The following AEBP2 variants were observed in gnomAD, a reference collection of about 807,000 sequenced individuals.
AEBP2 encodes the protein zinc finger protein AEBP2.
A neutral mutation model predicts 50.8 loss-of-function variants in AEBP2; 10 were observed. That is an observed-to-expected ratio of 0.20 (90% confidence interval 0.12 to 0.33). The LOEUF is 0.33. Among genes scored for constraint, AEBP2 ranks in the 10% least tolerant of loss-of-function variants. The probability of loss-of-function intolerance (pLI) is 1.00; values close to 1 mark genes in which losing one functional copy is unlikely to be tolerated. For missense variants in AEBP2, 570 were observed against 688.0 expected (o/e 0.83, Z 1.92); for synonymous variants, 296 against 261.3 (o/e 1.13, Z -1.28).
chr12:19,475,809 G>A (rs1327472839), intron 3 of AEBP2, among the ~76,000 whole-genome samples: 2 of 151,936 alleles, frequency 1.3e-5, no homozygotes, highest in African/African-American at 2.4e-5. Context: ...GTGGTATTGT[G>A]TTGTATATCT....
intron 1 of AEBP2, among the ~76,000 whole-genome samples, chr12:19,409,471 G>A (rs546758659): frequency 9.2e-5 from 14 of 152,202 alleles, no homozygotes; most frequent in African/African-American, 3.4e-4. Context: ...TTAACTCACT[G>A]GAAAATGGCT....
chr12:19,485,982 G>A (rs1299623397), intron 3 of AEBP2, among the ~76,000 whole-genome samples: 7 of 142,222 alleles, frequency 4.9e-5, no homozygotes, highest in Non-Finnish European at 1.1e-4. Context: ...TTTGTTTGAA[G>A]GTCTGATATA....
At chr12:19,436,786 G>A (rs11044558), upstream of AEBP2, among the ~76,000 whole-genome samples, 3,412 of 152,066 alleles carry the variant, frequency 0.022, 46 homozygotes, top group East Asian at 0.044. Flanking sequence ...GTTTTGTAGC[G>A]ATGGAGTTTC....
intron 2 of AEBP2, among the ~76,000 whole-genome samples, chr12:19,471,144 T>C (rs1743238035): frequency 6.6e-6 from 1 of 152,176 alleles, no homozygotes; most frequent in Non-Finnish European, 1.5e-5. Context: ...AGAGATGATC[T>C]GTCTCTTACT....
chr12:19,467,578 G>A (rs765444291), intron 2 of AEBP2, among the ~76,000 whole-genome samples: 2 of 152,328 alleles, frequency 1.3e-5, no homozygotes, highest in Middle Eastern at 6.8e-3. Context: ...ACAGGCCTGA[G>A]CCACCGTGCC....
intron 2 of AEBP2, among the ~76,000 whole-genome samples, chr12:19,469,414 C>T (rs764212122): frequency 4.6e-5 from 7 of 152,224 alleles, no homozygotes; most frequent in Non-Finnish European, 7.4e-5. Flanking sequence ...GGACTTACCA[C>T]GTGTGCTCAG....
At position 19,439,541 on chromosome 12, in the gene AEBP2, C is replaced by G. The variant is rs1035105323; in HGVS notation, c.-159C>G. On this transcript the variant is annotated 5_prime_UTR_variant, in exon 1 of 8. Coordinates refer to ENST00000266508, the MANE Select transcript of AEBP2 (RefSeq NM_153207.5). The stretch of plus-strand genomic sequence containing the variant: ...CGCGCGCCTGTCCCCGCGCGGGCTC[C>G]GTAGCGCGTGTGCAGGCTGACGCAG... The G allele has an allele frequency of 6.2e-6, 6 of 969,382 alleles. No individual in the cohort carries two copies. The highest frequency in any genetic ancestry group is 8.7e-6 in the Non-Finnish European group (6 of 692,924). 60.0% of individuals were successfully genotyped at this position (969,382 alleles called of 1,614,324 possible). A position where few individuals can be genotyped will look rare whatever the true frequency, so the allele number is the denominator to read the frequency against.
chr12:19,430,408 G>A (rs958018336), intron 1 of AEBP2, among the ~76,000 whole-genome samples: 35 of 152,114 alleles, frequency 2.3e-4, no homozygotes, highest in African/African-American at 7.0e-4. Context: ...GTCAGGTAGT[G>A]TGATGCCTCC....
chr12:19,457,162 G>T, intron 1 of AEBP2: 1 of 1,597,732 alleles, frequency 6.3e-7, no homozygotes, highest in South Asian at 1.1e-5. Context: ...GGGTGGCTCA[G>T]TGGAATCCAT....
chr12:19,445,675 G>C (rs969354746), intron 1 of AEBP2, among the ~76,000 whole-genome samples: 1 of 152,212 alleles, frequency 6.6e-6, no homozygotes, highest in African/African-American at 2.4e-5. Context: ...CAAAAGTACT[G>C]TATCAATCAG....
At position 19,519,863 on chromosome 12, in the gene AEBP2, A is replaced by G. The variant is rs1949373771; in HGVS notation, c.*1746A>G. Reference sequence around the variant, plus strand: ...TATAAAATTAAGTGAAGTGCAAATAAAAGCACTGCTACTATAAGACATTCT... The same window carrying G: ...TATAAAATTAAGTGAAGTGCAAATAGAAGCACTGCTACTATAAGACATTCT... On this transcript the variant is annotated 3_prime_UTR_variant, in exon 8 of 8. Coordinates refer to ENST00000266508, the MANE Select transcript of AEBP2 (RefSeq NM_153207.5). The G allele has an allele frequency of 6.6e-6, 1 of 152,418 alleles. No homozygotes were observed. Among genetic ancestry groups the G allele is most frequent in the Non-Finnish European group, 1.5e-5 (1 of 67,974 alleles). 9.4% of individuals were successfully genotyped at this position (152,418 alleles called of 1,614,324 possible).
At chr12:19,514,924 TGGATG>T in intron 7 of AEBP2, 140 bp downstream of exon 7, 4 of 640,998 alleles carry the variant, frequency 6.2e-6, no homozygotes, top group Non-Finnish European at 1.1e-5. Flanking sequence ...TTTTTTTTTT[TGGATG>T]TGGACTCACA....
Position 19,493,889 on chromosome 12 carries a change from A to C in AEBP2, c.1077A>C (p.Ser359=). ...CACACTTCAGTCAGCAGAACTCCTC[A>C]AAAGTTTCTAGCCAGCCAAAGGCCA... The part of the protein sequence containing the change: ...VPTHFSQQNS[S]KVSSQPKAKE... Residue 359 remains serine (S), a synonymous_variant, in exon 4 of 8, where the codon TCA becomes TCC. Transcript: ENST00000266508. 6.2e-7 allele frequency: 1 copy of C among 1,613,900 alleles called. No individual in the cohort carries two copies.
chr12:19,438,344 T>A (rs982344452), upstream of AEBP2, among the ~76,000 whole-genome samples: 2 of 152,232 alleles, frequency 1.3e-5, no homozygotes, highest in Non-Finnish European at 2.9e-5. Context: ...CAAAGAATTG[T>A]GTGGCATTAC....
At chr12:19,472,525 T>C (rs1291845907) in intron 2 of AEBP2, among the ~76,000 whole-genome samples, 2 of 152,324 alleles carry the variant, frequency 1.3e-5, no homozygotes, top group Middle Eastern at 6.8e-3. Context: ...GGATCTGTTA[T>C]GAAAGTAGGG....
chr12:19,469,218 A>C (rs776410556), intron 2 of AEBP2, among the ~76,000 whole-genome samples: 1 of 152,124 alleles, frequency 6.6e-6, no homozygotes, highest in Non-Finnish European at 1.5e-5. Context: ...GAGCCACTGC[A>C]CCTGGCCCAA....
intron 1 of AEBP2, 153 bp downstream of exon 1, chr12:19,440,523 G>C: frequency 7.3e-7 from 1 of 1,368,652 alleles, no homozygotes. Flanking sequence ...TCTCGCCGTC[G>C]CCGCCGCGCC....
chr12:19,521,973 A>G lies in AEBP2; in HGVS notation c.*3856A>G, dbSNP rs1820804686. ...ACTTAAATTCTTAGTTTATATGAAA[A>G]CTGATATGTATGTCTGTGTAACAAA... On this transcript the variant is annotated 3_prime_UTR_variant, in exon 8 of 8. Coordinates refer to ENST00000266508, the MANE Select transcript of AEBP2 (RefSeq NM_153207.5). 6.6e-6 allele frequency: 1 copy of G among 152,134 alleles called. No individual in the cohort carries two copies. Among genetic ancestry groups the G allele is most frequent in the African/African-American group, 2.4e-5 (1 of 41,440 alleles). The allele number at this position is 152,134 out of a possible 1,614,324, so 9.4% of individuals were successfully genotyped here. A position where few individuals can be genotyped will look rare whatever the true frequency, so the allele number is the denominator to read the frequency against.
intron 1 of AEBP2, among the ~76,000 whole-genome samples, chr12:19,409,178 A>G (rs1295261984): frequency 6.6e-6 from 1 of 152,138 alleles, no homozygotes; most frequent in Non-Finnish European, 1.5e-5. Flanking sequence ...ACACCAAAAC[A>G]AAAAAGTTTT....
Sources: allele counts gnomAD v4.1 joint callset (sites outside exome capture counted in the v4.1 genomes callset), GRCh38; gene constraint gnomAD v4.1.1; transcripts MANE v1.5; gene names NCBI Gene and HGNC (gene_info 2026-07-23, HGNC 2026-07-21).